RIMBP2: variants seen among roughly 807,000 people sequenced by gnomAD.
RIMBP2 encodes the protein RIMS binding protein 2.
In RIMBP2, 48 loss-of-function variants were observed where a neutral mutation model predicts 118.6. The ratio of observed to expected loss-of-function variants is 0.40; its 90% CI spans 0.32 to 0.51. The LOEUF (loss-of-function observed/expected upper bound fraction) is 0.51, where lower values mean the gene tolerates loss of function less well. Ranked by LOEUF, RIMBP2 falls within the 20% of genes least tolerant of loss-of-function variation. The probability of loss-of-function intolerance (pLI) is 0.41; values close to 1 mark genes in which losing one functional copy is unlikely to be tolerated. For synonymous variants in RIMBP2, 762 were observed against 742.9 expected (o/e 1.03, Z -0.42); for missense variants, 1,551 against 1,768.3 (o/e 0.88, Z 2.20).
chr12:130,573,332 A>G (rs1425000464), intron 2 of RIMBP2, among the ~76,000 whole-genome samples: 1 of 152,110 alleles, frequency 6.6e-6, no homozygotes, highest in East Asian at 1.9e-4. Flanking sequence ...ATCAGAGGTC[A>G]ATATTTTTAA....
At chr12:130,548,856 G>A (rs963676080) in intron 2 of RIMBP2, among the ~76,000 whole-genome samples, 4 of 151,856 alleles carry the variant, frequency 2.6e-5, no homozygotes, top group African/African-American at 9.7e-5. Flanking sequence ...CAAAGTCCTA[G>A]GATTACAGGC....
At chr12:130,646,867 G>A (rs1488672092) in intron 1 of RIMBP2, among the ~76,000 whole-genome samples, 2 of 152,252 alleles carry the variant, frequency 1.3e-5, no homozygotes, top group East Asian at 1.9e-4. Context: ...CAGGCGCCAT[G>A]GGCATGACAG....
At chr12:130,528,377 G>C (rs1274596590) in intron 2 of RIMBP2, among the ~76,000 whole-genome samples, 1 of 152,192 alleles carries the variant, frequency 6.6e-6, no homozygotes, top group Non-Finnish European at 1.5e-5. Flanking sequence ...TTCTCACTTA[G>C]AAGTGGGAGC....
Position 130,648,405 on chromosome 12 carries a change from A to C in RIMBP2, c.-351-19949T>G, listed in dbSNP as rs1259545246. 6.2e-5 allele frequency among the ~76,000 whole-genome samples: 9 copies of C among 145,504 alleles called. 2 individuals are homozygous for C. The highest frequency in any genetic ancestry group is 9.3e-5 in the Non-Finnish European group (6 of 64,312). ...TTACACACATAAGGTATTCATTGTA[A>C]AAAAAATTGAAAAGCATAAAGGAGA... On this transcript the variant is annotated intron_variant, in intron 1 of 22. Transcript: ENST00000690449.
intron 2 of RIMBP2, among the ~76,000 whole-genome samples, chr12:130,540,352 C>T (rs2054495467): frequency 1.3e-5 from 2 of 152,142 alleles, no homozygotes; most frequent in Non-Finnish European, 2.9e-5. Context: ...GAATCGCACA[C>T]AAGAAAGGAG....
At chr12:130,546,618 CTTCAAAGATTAGAAAAT>C (rs1424623393) in intron 2 of RIMBP2, among the ~76,000 whole-genome samples, 1 of 152,132 alleles carries the variant, frequency 6.6e-6, no homozygotes, top group Non-Finnish European at 1.5e-5. Context: ...TGCCAACGTT[CTTCAAAGATTAGAAAAT>C]ATGATATTGT....
intron 6 of RIMBP2, among the ~76,000 whole-genome samples, chr12:130,463,661 G>A (rs12308761): frequency 0.26 from 39,686 of 151,766 alleles, 6,396 homozygotes; most frequent in Non-Finnish European, 0.35. Flanking sequence ...ACCCAGGGAC[G>A]GTCCAGGCTC....
At chr12:130,441,185 G>A (rs986220577) in intron 11 of RIMBP2, among the ~76,000 whole-genome samples, 10 of 151,958 alleles carry the variant, frequency 6.6e-5, no homozygotes, top group Admixed American at 6.6e-5. Context: ...GGCAGATCAC[G>A]AGGTCAAGAG....
rs900170387 is a variant in RIMBP2, at chr12:130,581,708, G to C, written c.-217+46614C>G. ...CTCCACAGCTACTGCTATAAGCCTG[G>C]CCTGAGTCATCACCATTCCTCGCCG... is the stretch of plus-strand genomic sequence containing the variant. On this transcript the variant is annotated intron_variant, in intron 2 of 22. Coordinates refer to ENST00000690449, the MANE Select transcript of RIMBP2 (RefSeq NM_001393629.1). This position sits in a 1 kb window ranked among gnomAD's most constrained non-coding sequence, Gnocchi z 4.4. 6.6e-6 allele frequency among the ~76,000 whole-genome samples: 1 copy of C among 152,168 alleles called. No individual in the cohort carries two copies. The highest frequency in any genetic ancestry group is 2.4e-5 in the African/African-American group (1 of 41,424).
intron 2 of RIMBP2, among the ~76,000 whole-genome samples, chr12:130,598,855 A>AC (rs2059707726): frequency 6.6e-6 from 1 of 152,128 alleles, no homozygotes. Context: ...CCATAAATAG[A>AC]CCCACAAATG....
chr12:130,641,372 C>G (rs946822954), intron 1 of RIMBP2, among the ~76,000 whole-genome samples: 2 of 143,566 alleles, frequency 1.4e-5, no homozygotes, highest in Non-Finnish European at 3.0e-5. Flanking sequence ...CCCGGCTTCA[C>G]GGGCTGGATT....
intron 2 of RIMBP2, among the ~76,000 whole-genome samples, chr12:130,560,925 T>C (rs1025078875): frequency 4.6e-5 from 7 of 152,210 alleles, no homozygotes; most frequent in Non-Finnish European, 8.8e-5. Context: ...ACTAGAGTCA[T>C]TGCAGATGTA....
At position 130,578,329 on chromosome 12, in the gene RIMBP2, A is replaced by C. The variant is rs1198482818; in HGVS notation, c.-217+49993T>G. ...GTTTCCAGAATCATCTTTCTCAAGC[A>C]TCATTCTGGATGGCTGCTGCTCTGC... On this transcript the variant is annotated intron_variant, in intron 2 of 22. Coordinates refer to ENST00000690449, the MANE Select transcript of RIMBP2 (RefSeq NM_001393629.1). This position sits in a 1 kb window ranked among gnomAD's most constrained non-coding sequence, Gnocchi z 4.1. Among the ~76,000 whole-genome samples the C allele has an allele frequency of 6.6e-6, 1 of 152,194 alleles. No individual in the cohort carries two copies. The highest frequency in any genetic ancestry group is 1.9e-4 in the East Asian group (1 of 5,190).
At position 130,438,339 on chromosome 12, in the gene RIMBP2, T is replaced by TC. The variant is rs3047803; in HGVS notation, c.1656+25dup. ...TGCTGCGTTAGGGCCTAACAAACCC[T>TC]CCCCACCCACCCAACGAAAACTCAC... On this transcript the variant is annotated intron_variant, in intron 12 of 22. Coordinates refer to ENST00000690449, the MANE Select transcript of RIMBP2 (RefSeq NM_001393629.1). The TC allele has an allele frequency of 8.8e-4, 668 of 759,586 alleles. 14 individuals carry two copies. The South Asian group carries it at 8.8e-3, about 10-fold the overall frequency. 47.1% of individuals were successfully genotyped at this position (759,586 alleles called of 1,614,324 possible).
intron 2 of RIMBP2, among the ~76,000 whole-genome samples, chr12:130,560,801 C>G (rs1036576769): frequency 1.3e-5 from 2 of 152,210 alleles, no homozygotes; most frequent in South Asian, 4.1e-4. Context: ...CCCAAGAGCC[C>G]ATGTCGAAAT....
At chr12:130,559,630 A>T (rs1290892298) in intron 2 of RIMBP2, among the ~76,000 whole-genome samples, 2 of 152,196 alleles carry the variant, frequency 1.3e-5, no homozygotes, top group Middle Eastern at 3.2e-3. Flanking sequence ...AAAAAACACG[A>T]TTCCCATTTG....
At chr12:130,524,774 CAGCAGAA>C (rs1202229784) in intron 2 of RIMBP2, among the ~76,000 whole-genome samples, 3 of 152,146 alleles carry the variant, frequency 2.0e-5, no homozygotes, top group Non-Finnish European at 1.5e-5. Context: ...GAGATTATGG[CAGCAGAA>C]AGCAGAAAGA....
chr12:130,625,408 A>G (rs911821624), intron 2 of RIMBP2, among the ~76,000 whole-genome samples: 1 of 152,206 alleles, frequency 6.6e-6, no homozygotes, highest in Non-Finnish European at 1.5e-5. Flanking sequence ...TGGAGAGATT[A>G]AAATTTAGCA....
chr12:130,610,840 G>A (rs943456382), intron 2 of RIMBP2, among the ~76,000 whole-genome samples: 19 of 152,200 alleles, frequency 1.2e-4, no homozygotes, highest in Admixed American at 2.0e-4. Context: ...GATTACAGGC[G>A]TGAGCCACCG....
Sources: allele counts gnomAD v4.1 joint callset (sites outside exome capture counted in the v4.1 genomes callset), GRCh38; gene constraint gnomAD v4.1.1; non-coding constraint Gnocchi (gnomAD v3.1); transcripts MANE v1.5; gene names NCBI Gene and HGNC (gene_info 2026-07-23, HGNC 2026-07-21).